Variants in TRPS1 observed in about 807,000 individuals in gnomAD.
TRPS1 encodes zinc finger transcription factor Trps1.
Under a neutral mutation model 101.2 loss-of-function variants are expected in TRPS1, and 6 were observed. The observed-to-expected ratio is 0.06, with a 90% CI of 0.03 to 0.12. TRPS1 has a LOEUF of 0.12. Ranked by LOEUF, TRPS1 falls within the 10% of genes least tolerant of loss-of-function variation. The pLI, the probability that TRPS1 is intolerant of heterozygous loss-of-function variation, is 1.00. For missense variants in TRPS1, 1,363 were observed against 1,567.0 expected (o/e 0.87, Z 2.20); for synonymous variants, 578 against 589.8 (o/e 0.98, Z 0.29).
chr8:115,611,073 T>C (rs1268069370), intron 3 of TRPS1, among the ~76,000 whole-genome samples: 1 of 145,336 alleles, frequency 6.9e-6, no homozygotes, highest in African/African-American at 2.6e-5. Context: ...GCCGAGACCA[T>C]GCCACTGCAC....
chr8:115,497,334 T>A (rs1815175011), intron 5 of TRPS1, among the ~76,000 whole-genome samples: 1 of 152,194 alleles, frequency 6.6e-6, no homozygotes, highest in African/African-American at 2.4e-5. Flanking sequence ...CCTATGCGAA[T>A]CTAAGGCAGT....
intron 1 of TRPS1, among the ~76,000 whole-genome samples, chr8:115,635,795 A>G (rs1276339699): frequency 6.6e-6 from 1 of 152,192 alleles, no homozygotes; most frequent in African/African-American, 2.4e-5. Context: ...GTTCAGTGGT[A>G]TTAGCAATTT....
At chr8:115,444,180 T>C (rs1228415744) in intron 5 of TRPS1, among the ~76,000 whole-genome samples, 4 of 152,224 alleles carry the variant, frequency 2.6e-5, no homozygotes, top group Non-Finnish European at 5.9e-5. Context: ...TTATAAGGAA[T>C]GTGATTTCTT....
chr8:115,594,566 A>G (rs573390165), intron 4 of TRPS1, among the ~76,000 whole-genome samples: 10 of 152,048 alleles, frequency 6.6e-5, no homozygotes, highest in Non-Finnish European at 1.2e-4. Context: ...CAAATTGCCT[A>G]AAAAGATCAA....
intron 5 of TRPS1, among the ~76,000 whole-genome samples, chr8:115,571,601 G>T (rs1236951269): frequency 2.0e-5 from 3 of 152,094 alleles, no homozygotes; most frequent in African/African-American, 7.2e-5. Flanking sequence ...ATTAAGATAT[G>T]TAACAGTGTT....
At chr8:115,583,261 T>C (rs957479016) in intron 5 of TRPS1, among the ~76,000 whole-genome samples, 1 of 95,822 alleles carries the variant, frequency 1.0e-5, no homozygotes, top group Non-Finnish European at 1.9e-5. Flanking sequence ...TTTGTGTAGA[T>C]GTACATCATA....
At chr8:115,483,061 A>G (rs1364840320) in intron 5 of TRPS1, among the ~76,000 whole-genome samples, 1 of 152,204 alleles carries the variant, frequency 6.6e-6, no homozygotes, top group Non-Finnish European at 1.5e-5. Flanking sequence ...TGAGGAGCAG[A>G]CATCATACCT....
At chr8:115,638,049 G>C (rs1299109258) in intron 1 of TRPS1, among the ~76,000 whole-genome samples, 4 of 152,138 alleles carry the variant, frequency 2.6e-5, no homozygotes, top group East Asian at 1.9e-4. Context: ...CCCAGAACTT[G>C]GTCAAAACTC....
In TRPS1 at chr8:115,587,590, C is replaced by A; in HGVS notation, c.2111G>T (p.Cys704Phe). 1 of 1,614,130 alleles carries A rather than the reference C, an allele frequency of 6.2e-7. No individual in the cohort carries two copies. The highest frequency in any genetic ancestry group is 8.5e-7 in the Non-Finnish European group (1 of 1,180,012). Residue 704 changes from cysteine to phenylalanine, a missense_variant, in exon 5 of 7, where the codon TGC becomes TTC. Transcript: ENST00000395715. ...ISRHYRRAHS[C>F]YKCRQCSFTA... The stretch of plus-strand genomic sequence containing the variant: ...AAAACTGCACTGACGGCATTTGTAG[C>A]AGCTGTGTGCTCTCCTGGAGAAGAA...
At chr8:115,535,192 C>CAT (rs762115889) in intron 5 of TRPS1, among the ~76,000 whole-genome samples, 1 of 76,726 alleles carries the variant, frequency 1.3e-5, no homozygotes, top group East Asian at 4.6e-4. Flanking sequence ...ATATGTATAG[C>CAT]ATATATATAG....
At chr8:115,608,637 G>A (rs527938496) in intron 3 of TRPS1, among the ~76,000 whole-genome samples, 1 of 147,610 alleles carries the variant, frequency 6.8e-6, no homozygotes, top group Non-Finnish European at 1.5e-5. Flanking sequence ...TAGGATTATC[G>A]TGAGGATCAA....
At chr8:115,645,008 A>G (rs2737240) in intron 1 of TRPS1, among the ~76,000 whole-genome samples, 42,928 of 152,018 alleles carry the variant, frequency 0.28, 6,295 homozygotes, top group Admixed American at 0.33. Context: ...CCACCAACTC[A>G]GATATAATAT....
At chr8:115,590,797 A>G (rs1817662829) in intron 4 of TRPS1, among the ~76,000 whole-genome samples, 2 of 152,212 alleles carry the variant, frequency 1.3e-5, no homozygotes, top group South Asian at 2.1e-4. Flanking sequence ...CTTGTGCATA[A>G]TAAGTAAATA....
chr8:115,607,327 C>G (rs1818062622), intron 3 of TRPS1, among the ~76,000 whole-genome samples: 1 of 151,888 alleles, frequency 6.6e-6, no homozygotes, highest in African/African-American at 2.4e-5. Context: ...AAGAAGGCAA[C>G]TTTGTGAAAA....
intron 5 of TRPS1, among the ~76,000 whole-genome samples, chr8:115,452,187 T>G (rs144364836): frequency 6.6e-6 from 1 of 152,302 alleles, no homozygotes; most frequent in East Asian, 1.9e-4. Flanking sequence ...CCTAACTCCC[T>G]GCATTTCACT....
chr8:115,455,735 A>G (rs1284711333), intron 5 of TRPS1, among the ~76,000 whole-genome samples: 1 of 148,450 alleles, frequency 6.7e-6, no homozygotes, highest in Non-Finnish European at 1.5e-5. Flanking sequence ...TTTTTTTTCT[A>G]TGCCATATGG....
intron 5 of TRPS1, among the ~76,000 whole-genome samples, chr8:115,553,089 T>C (rs1264666668): frequency 2.0e-5 from 3 of 152,154 alleles, no homozygotes; most frequent in South Asian, 2.1e-4. Flanking sequence ...TGTGTCCTAA[T>C]GATAGTGGGC....
chr8:115,516,018 T>G (rs1300379417), intron 5 of TRPS1, among the ~76,000 whole-genome samples: 1 of 151,436 alleles, frequency 6.6e-6, no homozygotes, highest in Non-Finnish European at 1.5e-5. Flanking sequence ...ATAATTAAAC[T>G]GAGCATACTA....
intron 4 of TRPS1, among the ~76,000 whole-genome samples, chr8:115,593,709 T>A (rs892453522): frequency 1.3e-5 from 2 of 152,200 alleles, no homozygotes; most frequent in Non-Finnish European, 2.9e-5. Flanking sequence ...TTTCTTTTCA[T>A]CAGCATTAAC....
Sources: gnomAD v4.1 joint callset for allele counts (sites outside exome capture counted in the v4.1 genomes callset) on GRCh38, gnomAD v4.1.1 for gene constraint, MANE v1.5 for transcripts, NCBI Gene and HGNC (gene_info 2026-07-23, HGNC 2026-07-21) for gene names.